The following EVA1A variants were observed in gnomAD, a reference collection of about 807,000 sequenced individuals.
EVA1A encodes the protein eva-1 homolog A, regulator of programmed cell death, also known as protein eva-1 homolog A.
A neutral mutation model predicts 9.8 loss-of-function variants in EVA1A; 7 were observed. That is an observed-to-expected ratio of 0.71 (90% CI 0.41 to 1.34). The LOEUF is 1.34. EVA1A is among the 40% of genes most tolerant of loss of function. The pLI is 0.01. For synonymous variants in EVA1A, 90 were observed against 85.6 expected, an observed-to-expected ratio of 1.05 and a Z score of -0.28; for missense variants, 206 against 205.9, an observed-to-expected ratio of 1.00 and a Z score of 0.00.
intron 3 of EVA1A, among the ~76,000 whole-genome samples, chr2:75,508,994 A>C (rs1405635842): frequency 6.6e-6 from 1 of 152,128 alleles, no homozygotes; most frequent in African/African-American, 2.4e-5. Flanking sequence ...TGATTGATTG[A>C]TGAACTGATG....
At chr2:75,549,845 G>T (rs1214627115) in intron 1 of EVA1A, among the ~76,000 whole-genome samples, 1 of 152,188 alleles carries the variant, frequency 6.6e-6, no homozygotes, top group Non-Finnish European at 1.5e-5. Context: ...GCATTTCACT[G>T]AGATGTTTCC....
chr2:75,520,057 A>T (rs1675181681), intron 2 of EVA1A, among the ~76,000 whole-genome samples: 1 of 152,022 alleles, frequency 6.6e-6, no homozygotes, highest in African/African-American at 2.4e-5. Flanking sequence ...ACAATATCTG[A>T]CCTCTGCCTT....
At chr2:75,559,705 G>GC (rs1676849931) in intron 1 of EVA1A, among the ~76,000 whole-genome samples, 2 of 133,684 alleles carry the variant, frequency 1.5e-5, no homozygotes, top group East Asian at 5.3e-4. Flanking sequence ...GGTGGGGGGG[G>GC]GGCGGGGGAG....
chr2:75,553,510 G>A (rs1184371973), intron 1 of EVA1A, among the ~76,000 whole-genome samples: 1 of 152,184 alleles, frequency 6.6e-6, no homozygotes, highest in Non-Finnish European at 1.5e-5. Flanking sequence ...GGCACAAAGA[G>A]TATCTTGTTC....
chr2:75,532,598 GA>G (rs1675706974), intron 1 of EVA1A, among the ~76,000 whole-genome samples: 1 of 151,658 alleles, frequency 6.6e-6, no homozygotes, highest in Non-Finnish European at 1.5e-5. Flanking sequence ...AAATAGACTG[GA>G]AAAAAAATGA....
intron 3 of EVA1A, among the ~76,000 whole-genome samples, chr2:75,512,927 A>G (rs1674868996): frequency 6.6e-6 from 1 of 152,152 alleles, no homozygotes; most frequent in African/African-American, 2.4e-5. Context: ...CTAAAGATTG[A>G]AAAAGCTAAA....
intron 3 of EVA1A, among the ~76,000 whole-genome samples, chr2:75,517,010 G>A (rs113933408): frequency 1.9e-3 from 291 of 152,216 alleles, no homozygotes; most frequent in African/African-American, 6.6e-3. Flanking sequence ...GCAGAGCCCT[G>A]GACCTGAGGC....
chr2:75,493,570 A>G lies in EVA1A; in HGVS notation c.125T>C (p.Val42Ala), dbSNP rs765840287. 2 of 1,612,900 alleles carry G rather than the reference A, an allele frequency of 1.2e-6. No individual in the cohort carries two copies. Among genetic ancestry groups the G allele is most frequent in the South Asian group, 2.2e-5 (2 of 90,876 alleles). The change falls in exon 4 of 4, where the codon GTG becomes GCG. Residue 42 changes from valine (V) to alanine (A), a missense_variant. Transcript: ENST00000393913. ...CAGGGTCAGCACCAGCCCGATGCAC[A>G]CGCCAGAAACAAAGTACAGAGCTGC... is the stretch of plus-strand genomic sequence containing the variant. ...ERAALYFVSG[V>A]CIGLVLTLAA...
intron 1 of EVA1A, chr2:75,540,629 T>G (rs1179983473): frequency 6.6e-6 from 1 of 152,206 alleles, no homozygotes; most frequent in African/African-American, 2.4e-5. Flanking sequence ...TGGTTTTAAT[T>G]ATGTGAAGTC....
intron 1 of EVA1A, among the ~76,000 whole-genome samples, chr2:75,543,011 G>T (rs1206669322): frequency 6.6e-6 from 1 of 152,158 alleles, no homozygotes. Context: ...TAGCCTGCAA[G>T]TATCCACTGG....
At chr2:75,544,045 TA>T (rs1676236397) in intron 1 of EVA1A, among the ~76,000 whole-genome samples, 1 of 152,242 alleles carries the variant, frequency 6.6e-6, no homozygotes, top group Non-Finnish European at 1.5e-5. Flanking sequence ...CCCAGTGGTT[TA>T]CATGAGCCAC....
intron 3 of EVA1A, among the ~76,000 whole-genome samples, chr2:75,506,763 C>A (rs1674633590): frequency 6.6e-6 from 1 of 152,144 alleles, no homozygotes; most frequent in Non-Finnish European, 1.5e-5. Flanking sequence ...ATGGCCAGGA[C>A]CAGAAGGTGC....
intron 3 of EVA1A, among the ~76,000 whole-genome samples, chr2:75,513,101 C>T (rs1156867131): frequency 6.6e-6 from 1 of 152,032 alleles, no homozygotes; most frequent in Non-Finnish European, 1.5e-5. Context: ...CATGAGATGA[C>T]AAACACAGAA....
intron 3 of EVA1A, among the ~76,000 whole-genome samples, chr2:75,500,778 C>A (rs537733755): frequency 6.8e-6 from 1 of 146,566 alleles, no homozygotes; most frequent in Non-Finnish European, 1.5e-5. Context: ...GCCTGAGGCT[C>A]CCTTCAGTCA....
chr2:75,501,230 G>C (rs1674406683), intron 3 of EVA1A, among the ~76,000 whole-genome samples: 2 of 152,234 alleles, frequency 1.3e-5, no homozygotes, highest in Admixed American at 1.3e-4. Context: ...GGGCCCCTTA[G>C]TGAATTTTTT....
chr2:75,561,983 A>G (rs1676935346), upstream of EVA1A, among the ~76,000 whole-genome samples: 1 of 152,184 alleles, frequency 6.6e-6, no homozygotes, highest in African/African-American at 2.4e-5. Flanking sequence ...CTAGAATCCC[A>G]GAGTGCCTTC....
chr2:75,547,831 A>G (rs1322538234), intron 1 of EVA1A, among the ~76,000 whole-genome samples: 2 of 152,224 alleles, frequency 1.3e-5, no homozygotes, highest in African/African-American at 4.8e-5. Flanking sequence ...GGGCTGGTAA[A>G]CTACTGCTCA....
At chr2:75,497,958 G>A (rs1674273478) in intron 3 of EVA1A, among the ~76,000 whole-genome samples, 1 of 151,436 alleles carries the variant, frequency 6.6e-6, no homozygotes, top group African/African-American at 2.4e-5. Context: ...ATTTGACCCA[G>A]CAATCCCACT....
intron 1 of EVA1A, among the ~76,000 whole-genome samples, chr2:75,533,947 G>A (rs888759093): frequency 6.6e-6 from 1 of 151,860 alleles, no homozygotes; most frequent in African/African-American, 2.4e-5. Context: ...GAGTAGCTGG[G>A]ACTACAGGCG....
Sources: gnomAD v4.1 joint callset for allele counts (sites outside exome capture counted in the v4.1 genomes callset) on GRCh38, gnomAD v4.1.1 for gene constraint, MANE v1.5 for transcripts, NCBI Gene and HGNC (gene_info 2026-07-23, HGNC 2026-07-21) for gene names.